The following RIN3 variants were observed in gnomAD, a reference collection of about 807,000 sequenced individuals.
RIN3 encodes the protein Ras and Rab interactor 3.
A neutral mutation model predicts 76.3 loss-of-function variants in RIN3; 54 were observed. The ratio of observed to expected loss-of-function variants is 0.71; its 90% CI spans 0.57 to 0.89. RIN3 has a LOEUF of 0.89. Ranked by LOEUF, RIN3 falls within the 40% of genes least tolerant of loss-of-function variation. The pLI is 0.00. For missense variants in RIN3, 1,256 were observed against 1,322.1 expected (o/e 0.95, Z 0.78); for synonymous variants, 576 against 564.0 (o/e 1.02, Z -0.30).
intron 3 of RIN3, among the ~76,000 whole-genome samples, chr14:92,585,914 A>G (rs913652999): frequency 1.3e-5 from 2 of 152,260 alleles, no homozygotes; most frequent in African/African-American, 4.8e-5. Flanking sequence ...TTCAGCAGTG[A>G]GGAAGTACTG....
Position 92,652,861 on chromosome 14 carries a change from G to A in RIN3, c.1812G>A (p.Lys604=). ...FLSNNRKLYK[K]VVELAQDKGS... ...CCAACAACCGCAAGCTGTACAAGAA[G>A]GTGGTGGAGCTGGCGCAGGACAAGG... Residue 604 remains lysine, a synonymous_variant, in exon 6 of 10, where the codon AAG becomes AAA. Coordinates refer to ENST00000216487, the MANE Select transcript of RIN3 (RefSeq NM_024832.5). This position sits in a 1 kb window ranked among gnomAD's most constrained non-coding sequence, Gnocchi z 6.4. 6.2e-7 allele frequency: 1 copy of A among 1,614,140 alleles called. No individual in the cohort carries two copies.
At chr14:92,563,689 G>A (rs1478280788) in intron 2 of RIN3, among the ~76,000 whole-genome samples, 7 of 152,114 alleles carry the variant, frequency 4.6e-5, no homozygotes, top group Non-Finnish European at 1.0e-4. Context: ...TTTTGGAGTG[G>A]GCCTCAGCCA....
intron 2 of RIN3, among the ~76,000 whole-genome samples, chr14:92,566,155 C>T (rs533214044): frequency 2.0e-5 from 3 of 152,260 alleles, no homozygotes; most frequent in African/African-American, 4.8e-5. Context: ...TGCTATTGTT[C>T]GTCTAGTGGG....
chr14:92,681,330 T>A lies in RIN3; in HGVS notation c.2468-3657T>A, dbSNP rs993699104. ...GAGAGGCCTCACGAAGAAGTCAGACTCCAGCACCAAGAGTGCAGCAGTAGG... is the reference window on the plus strand; with the variant it reads ...GAGAGGCCTCACGAAGAAGTCAGACACCAGCACCAAGAGTGCAGCAGTAGG... On this transcript the variant is annotated intron_variant, in intron 8 of 9. Coordinates refer to ENST00000216487, the MANE Select transcript of RIN3 (RefSeq NM_024832.5). This position sits in a 1 kb window ranked among gnomAD's most constrained non-coding sequence, Gnocchi z 4.7. 2.9e-5 allele frequency among the ~76,000 whole-genome samples: 2 copies of A among 69,780 alleles called. No individual in the cohort carries two copies. Among genetic ancestry groups the A allele is most frequent in the Non-Finnish European group, 6.2e-5 (2 of 32,138 alleles). 45.8% of individuals were successfully genotyped at this position (69,780 alleles called of 152,430 possible). A position where few individuals can be genotyped will look rare whatever the true frequency, so the allele number is the denominator to read the frequency against.
Position 92,643,906 on chromosome 14 carries a change from C to CTG in RIN3, c.532+2577_532+2578insTG, listed in dbSNP as rs1887103411. Among the ~76,000 whole-genome samples, 1 of 151,208 alleles carries CTG rather than the reference C, an allele frequency of 6.6e-6. No homozygotes were observed. Among genetic ancestry groups the CTG allele is most frequent in the Admixed American group, 6.6e-5 (1 of 15,200 alleles). On this transcript the variant is annotated intron_variant, in intron 5 of 9. Transcript: ENST00000216487. The surrounding 1 kb of genome is among the most constrained non-coding windows in gnomAD (Gnocchi z 4.8). ...TTGCCCCACTGCACTCCAGCGTGGGCAACAGACTGAGACTCTGCCTCAAAA... is the reference window on the plus strand; with the variant it reads ...TTGCCCCACTGCACTCCAGCGTGGGCTGAACAGACTGAGACTCTGCCTCAAAA...
chr14:92,640,129 G>A (rs1486388398), intron 4 of RIN3, among the ~76,000 whole-genome samples: 4 of 140,960 alleles, frequency 2.8e-5, no homozygotes, highest in African/African-American at 1.1e-4. Flanking sequence ...CGTTTGCTGG[G>A]AGATGCCTGA....
At chr14:92,517,254 G>A (rs926238086) in intron 1 of RIN3, among the ~76,000 whole-genome samples, 3 of 152,140 alleles carry the variant, frequency 2.0e-5, no homozygotes, top group African/African-American at 7.2e-5. Flanking sequence ...GGCAGGGAGT[G>A]CACCCTTCAA....
chr14:92,615,712 G>C (rs563423855), intron 4 of RIN3: 2 of 530,662 alleles, frequency 3.8e-6, no homozygotes, highest in Non-Finnish European at 6.8e-6. Flanking sequence ...TCTGGCTCAC[G>C]GCCTGTCTCT....
intron 3 of RIN3, among the ~76,000 whole-genome samples, chr14:92,602,481 T>C (rs1041855326): frequency 6.6e-6 from 1 of 152,184 alleles, no homozygotes; most frequent in African/African-American, 2.4e-5. Flanking sequence ...CGGGCCATGG[T>C]CACAACTTGG....
chr14:92,653,205 C>T, intron 6 of RIN3, 130 bp downstream of exon 6: 3 of 1,002,172 alleles, frequency 3.0e-6, no homozygotes, highest in Non-Finnish European at 4.3e-6. Flanking sequence ...TTCCTGGGCA[C>T]CAGGAACTTT....
intron 6 of RIN3, among the ~76,000 whole-genome samples, chr14:92,658,791 G>T (rs146868492): frequency 4.8e-4 from 73 of 152,312 alleles, no homozygotes; most frequent in African/African-American, 1.7e-3. Context: ...GGGCATTCAG[G>T]CCATCAGCAT....
intron 2 of RIN3, among the ~76,000 whole-genome samples, chr14:92,558,317 C>T (rs532576897): frequency 3.9e-5 from 6 of 152,256 alleles, no homozygotes; most frequent in African/African-American, 1.4e-4. Context: ...CCACTGTACT[C>T]CAGCCCAGGT....
chr14:92,681,930 AGGCTGCAGTGCAGT>A lies in RIN3; in HGVS notation c.2468-3053_2468-3040del, dbSNP rs1381487310. 1.3e-5 allele frequency among the ~76,000 whole-genome samples: 2 copies of A among 152,078 alleles called. No individual in the cohort carries two copies. The highest frequency in any genetic ancestry group is 4.8e-5 in the African/African-American group (2 of 41,396). Reference sequence around the variant, plus strand: ...GAGATGAAGTCTCACTCTGTCACCCAGGCTGCAGTGCAGTGGCCTGATCTCAGCTCACTGCAACC... The same window carrying A: ...GAGATGAAGTCTCACTCTGTCACCCAGGCCTGATCTCAGCTCACTGCAACC... On this transcript the variant is annotated intron_variant, in intron 8 of 9. Coordinates refer to ENST00000216487, the MANE Select transcript of RIN3 (RefSeq NM_024832.5). The surrounding 1 kb of genome is among the most constrained non-coding windows in gnomAD (Gnocchi z 4.7).
chr14:92,555,641 C>G, intron 1 of RIN3, 110 bp from the exon 2 acceptor site: 1 of 1,025,934 alleles, frequency 9.7e-7, no homozygotes, highest in South Asian at 1.4e-5. Flanking sequence ...CAAAGGGCCA[C>G]TGACTACCTC....
chr14:92,575,424 A>G (rs529683613), intron 2 of RIN3, among the ~76,000 whole-genome samples: 1 of 152,320 alleles, frequency 6.6e-6, no homozygotes, highest in Non-Finnish European at 1.5e-5. Context: ...AGAGAAGTAA[A>G]GAAGCAAAAG....
At chr14:92,663,307 C>T (rs1034884845) in intron 7 of RIN3, among the ~76,000 whole-genome samples, 2 of 152,080 alleles carry the variant, frequency 1.3e-5, no homozygotes, top group African/African-American at 2.4e-5. Flanking sequence ...AGCAGGGATT[C>T]GAGGAAGGAA....
chr14:92,646,670 C>T (rs1289379758), intron 5 of RIN3, among the ~76,000 whole-genome samples: 9 of 152,110 alleles, frequency 5.9e-5, no homozygotes, highest in Non-Finnish European at 1.3e-4. Context: ...GAACTCCTGA[C>T]CTCAGGTGAT....
intron 4 of RIN3, among the ~76,000 whole-genome samples, chr14:92,619,819 T>C (rs1490011970): frequency 1.3e-5 from 2 of 152,174 alleles, no homozygotes; most frequent in African/African-American, 4.8e-5. Context: ...CCAGCATAGC[T>C]AGAAGCGTGG....
Position 92,656,910 on chromosome 14 carries a change from C to G in RIN3, c.2027-2251C>G, listed in dbSNP as rs1418257069. Reference sequence around the variant, plus strand: ...GCCACAGCTCAGAGAGGTTTGGTGACCTGGCCATGAGGACAGAGCTGGTAG... The same window carrying G: ...GCCACAGCTCAGAGAGGTTTGGTGAGCTGGCCATGAGGACAGAGCTGGTAG... On this transcript the variant is annotated intron_variant, in intron 6 of 9. Coordinates refer to ENST00000216487, the MANE Select transcript of RIN3 (RefSeq NM_024832.5). This position sits in a 1 kb window ranked among gnomAD's most constrained non-coding sequence, Gnocchi z 5.2. Among the ~76,000 whole-genome samples the G allele has an allele frequency of 6.6e-6, 1 of 152,192 alleles. No individual in the cohort carries two copies. The highest frequency in any genetic ancestry group is 1.5e-5 in the Non-Finnish European group (1 of 68,028).
Sources: allele counts gnomAD v4.1 joint callset (sites outside exome capture counted in the v4.1 genomes callset), GRCh38; gene constraint gnomAD v4.1.1; non-coding constraint Gnocchi (gnomAD v3.1); transcripts MANE v1.5; gene names NCBI Gene and HGNC (gene_info 2026-07-23, HGNC 2026-07-21).